Variants in GIPC2 observed in about 807,000 individuals in gnomAD.
The protein encoded by GIPC2 is PDZ domain-containing protein GIPC2.
A neutral mutation model predicts 30.6 loss-of-function variants in GIPC2; 30 were observed. The ratio of observed to expected loss-of-function variants is 0.98; its 90% CI spans 0.73 to 1.33. The LOEUF is 1.33. Among genes scored for constraint, GIPC2 ranks in the 40% most tolerant of loss-of-function variants. The pLI, the probability that GIPC2 is intolerant of heterozygous loss-of-function variation, is 0.00. For missense variants in GIPC2, 414 were observed against 390.3 expected, an observed-to-expected ratio of 1.06 and a Z score of -0.51; for synonymous variants, 167 against 150.0, an observed-to-expected ratio of 1.11 and a Z score of -0.83.
intron 4 of GIPC2, among the ~76,000 whole-genome samples, chr1:78,123,910 G>C (rs2100436523): frequency 6.6e-6 from 1 of 152,284 alleles, no homozygotes; most frequent in African/African-American, 2.4e-5. Context: ...TATATTGTCT[G>C]TTATTGTTTT....
intron 2 of GIPC2, among the ~76,000 whole-genome samples, chr1:78,082,944 AC>A: frequency 6.6e-6 from 1 of 151,206 alleles, no homozygotes; most frequent in African/African-American, 2.4e-5. Context: ...TCATACACAC[AC>A]ATATATATAT....
At chr1:78,133,538 G>T (rs878888846) in intron 5 of GIPC2, among the ~76,000 whole-genome samples, 1 of 152,124 alleles carries the variant, frequency 6.6e-6, no homozygotes, top group Admixed American at 6.5e-5. Flanking sequence ...AGCCTTGAAG[G>T]AGAGAAGGAT....
rs1016684653 is a variant in GIPC2 at position 78,137,997 on chromosome 1, G to T, written c.*2254G>T. ...AGGACCCTGTCCTTTTCACTTTTCT[G>T]TAGGCTTTTTTTTTTTAAATGGAAG... On this transcript the variant is annotated 3_prime_UTR_variant, in exon 6 of 6. Transcript: ENST00000370759. The T allele has an allele frequency of 7.2e-6, 1 of 138,200 alleles. No homozygotes were observed. The highest frequency in any genetic ancestry group is 7.0e-5 in the Admixed American group (1 of 14,266). The allele number at this position is 138,200 out of a possible 1,614,324, so 8.6% of individuals were successfully genotyped here. A position where few individuals can be genotyped will look rare whatever the true frequency, so the allele number is the denominator to read the frequency against.
Position 78,121,508 on chromosome 1 carries a change from A to G in GIPC2, c.714+2009A>G, listed in dbSNP as rs534249855. On this transcript the variant is annotated intron_variant, in intron 4 of 5. Transcript: ENST00000370759. The stretch of plus-strand genomic sequence containing the variant: ...TCATGGGGGTGGTTTGTTGAAGTAG[A>G]CACTTAAGGAACACATGAGGCCAAG... Among the ~76,000 whole-genome samples the G allele has an allele frequency of 1.3e-3, 196 of 152,252 alleles. 1 individual carries two copies. The highest frequency in any genetic ancestry group is 3.1e-3 in the Admixed American group (47 of 15,290).
At chr1:78,091,515 G>C in intron 2 of GIPC2, 2 of 732,306 alleles carry the variant, frequency 2.7e-6, no homozygotes, top group Non-Finnish European at 5.1e-6. Flanking sequence ...CCCAAAGGCA[G>C]CTCCAAACAG....
At position 78,098,901 on chromosome 1, in the gene GIPC2, T is replaced by C. The variant is rs1482983185; in HGVS notation, c.607+3769T>C. ...ACCAACCCTAGAGAAACCTTGATCCTGAACTTCTGGCCTCTAGAACTCTGA... is the reference window on the plus strand; with the variant it reads ...ACCAACCCTAGAGAAACCTTGATCCCGAACTTCTGGCCTCTAGAACTCTGA... On this transcript the variant is annotated intron_variant, in intron 3 of 5. Transcript: ENST00000370759. Among the ~76,000 whole-genome samples the C allele has an allele frequency of 2.0e-5, 3 of 152,292 alleles. No individual in the cohort carries two copies. The East Asian group carries it at 5.8e-4, about 29-fold the overall frequency.
intron 3 of GIPC2, among the ~76,000 whole-genome samples, chr1:78,103,167 A>G (rs1662282742): frequency 6.6e-6 from 1 of 152,240 alleles, no homozygotes. Context: ...GTGAGTCAAC[A>G]TGCTTGCTGT....
intron 1 of GIPC2, among the ~76,000 whole-genome samples, chr1:78,052,662 TATAA>T (rs1203452651): frequency 3.3e-5 from 5 of 152,246 alleles, no homozygotes; most frequent in Non-Finnish European, 5.9e-5. Flanking sequence ...GATGTTTTGA[TATAA>T]ATAGTGAAAT....
intron 3 of GIPC2, among the ~76,000 whole-genome samples, chr1:78,105,971 C>T (rs1390677555): frequency 3.9e-5 from 6 of 152,092 alleles, no homozygotes; most frequent in East Asian, 3.9e-4. Context: ...CGCGGTGGCT[C>T]ATGCTTGTAA....
Position 78,131,313 on chromosome 1 carries a change from G to A in GIPC2, c.797-4279G>A, listed in dbSNP as rs112859168. Among the ~76,000 whole-genome samples, 460 of 151,774 alleles carry A rather than the reference G, an allele frequency of 3.0e-3. 1 individual carries two copies. The highest frequency in any genetic ancestry group is 0.011 in the African/African-American group (445 of 41,386). On this transcript the variant is annotated intron_variant, in intron 5 of 5. Coordinates refer to ENST00000370759, the MANE Select transcript of GIPC2 (RefSeq NM_017655.6). Reference sequence around the variant, plus strand: ...AAGCTCCGCCTCCTGGGTTCACGCCGTTCTCCTGCCTCAGCCTCCCGAGTA... The same window carrying A: ...AAGCTCCGCCTCCTGGGTTCACGCCATTCTCCTGCCTCAGCCTCCCGAGTA...
At chr1:78,113,837 C>A (rs1662518291) in intron 3 of GIPC2, among the ~76,000 whole-genome samples, 1 of 151,464 alleles carries the variant, frequency 6.6e-6, no homozygotes. Context: ...TTTTTCTAAT[C>A]TCCTAGAGTC....
chr1:78,059,034 C>G (rs1661346567), intron 1 of GIPC2, among the ~76,000 whole-genome samples: 1 of 152,204 alleles, frequency 6.6e-6, no homozygotes, highest in Admixed American at 6.5e-5. Flanking sequence ...TTGGGCAAGT[C>G]TTCCCTCTTG....
intron 1 of GIPC2, chr1:78,069,152 G>A: frequency 1.1e-6 from 1 of 888,508 alleles, no homozygotes; most frequent in Non-Finnish European, 1.3e-6. Flanking sequence ...CAGTGCCTGG[G>A]TATCTCCAAG....
chr1:78,045,558 C>G, upstream of GIPC2: 1 of 985,400 alleles, frequency 1.0e-6, no homozygotes. Flanking sequence ...CAACGTAGCA[C>G]CAAGCTCAAG....
intron 2 of GIPC2, among the ~76,000 whole-genome samples, chr1:78,086,408 G>T (rs1255545670): frequency 6.6e-6 from 1 of 152,122 alleles, no homozygotes; most frequent in Non-Finnish European, 1.5e-5. Context: ...TGTTGTTTTT[G>T]GGTGGAGAGT....
chr1:78,135,521 C>G, intron 5 of GIPC2, 71 bp from the exon 6 acceptor site: 1 of 856,738 alleles, frequency 1.2e-6, no homozygotes, highest in Non-Finnish European at 1.8e-6. Context: ...AGTAATTTTC[C>G]TGTTGCCATT....
intron 3 of GIPC2, among the ~76,000 whole-genome samples, chr1:78,100,217 T>C (rs1028132394): frequency 1.3e-5 from 2 of 152,224 alleles, no homozygotes; most frequent in African/African-American, 2.4e-5. Flanking sequence ...GAGGAATAGA[T>C]GGTGGTGTGC....
intron 4 of GIPC2, among the ~76,000 whole-genome samples, chr1:78,121,000 C>T (rs617195): frequency 0.23 from 34,885 of 152,028 alleles, 4,560 homozygotes; most frequent in East Asian, 0.65. Context: ...TAGAATAGGA[C>T]CTGATATACC....
chr1:78,064,226 T>C (rs1661460095), intron 1 of GIPC2, among the ~76,000 whole-genome samples: 1 of 152,212 alleles, frequency 6.6e-6, no homozygotes, highest in African/African-American at 2.4e-5. Flanking sequence ...TAACACAGAA[T>C]TAGGGGCTAG....
Sources: gnomAD v4.1 joint callset for allele counts (sites outside exome capture counted in the v4.1 genomes callset) on GRCh38, gnomAD v4.1.1 for gene constraint, MANE v1.5 for transcripts, NCBI Gene and HGNC (gene_info 2026-07-23, HGNC 2026-07-21) for gene names.